The following TGFBR3 variants were observed in gnomAD, a reference collection of about 807,000 sequenced individuals.
The protein encoded by TGFBR3 is transforming growth factor beta receptor 3, also known as transforming growth factor beta receptor type 3.
In TGFBR3, 46 loss-of-function variants were observed where a neutral mutation model predicts 87.9. The observed-to-expected ratio is 0.52, with a 90% CI of 0.41 to 0.67. The LOEUF (loss-of-function observed/expected upper bound fraction) is 0.67, where lower values mean the gene tolerates loss of function less well. TGFBR3 is among the 30% of genes least tolerant of loss of function. The pLI is 0.00. For synonymous variants in TGFBR3, 381 were observed against 391.6 expected, an observed-to-expected ratio of 0.97 and a Z score of 0.32; for missense variants, 866 against 1,041.9, an observed-to-expected ratio of 0.83 and a Z score of 2.32.
At chr1:91,756,645 T>C (rs1673756778) in intron 4 of TGFBR3, among the ~76,000 whole-genome samples, 1 of 152,236 alleles carries the variant, frequency 6.6e-6, no homozygotes, top group African/African-American at 2.4e-5. Context: ...TTTTGGCCTT[T>C]TTAATATAGA....
At chr1:91,866,994 C>G (rs911954358) in intron 1 of TGFBR3, among the ~76,000 whole-genome samples, 8 of 152,240 alleles carry the variant, frequency 5.3e-5, no homozygotes, top group African/African-American at 1.9e-4. Flanking sequence ...GAGATTCTCA[C>G]AGCATGTCAG....
At chr1:91,687,396 G>A (rs372048419) in intron 16 of TGFBR3, among the ~76,000 whole-genome samples, 2 of 152,188 alleles carry the variant, frequency 1.3e-5, no homozygotes, top group African/African-American at 4.8e-5. Flanking sequence ...AATGGAGAAT[G>A]TTTTATTTCT....
chr1:91,839,776 G>C (rs1040892668), intron 2 of TGFBR3, among the ~76,000 whole-genome samples: 14 of 152,260 alleles, frequency 9.2e-5, no homozygotes, highest in African/African-American at 3.4e-4. Flanking sequence ...GTGAGATCCT[G>C]GGTTGGATTC....
chr1:91,689,174 G>A (rs184902150), intron 16 of TGFBR3, among the ~76,000 whole-genome samples: 39 of 152,150 alleles, frequency 2.6e-4, no homozygotes, highest in African/African-American at 9.2e-4. Context: ...CCTCCCCTCA[G>A]TTTCCATAAA....
intron 13 of TGFBR3, among the ~76,000 whole-genome samples, chr1:91,711,597 T>C (rs1671985603): frequency 6.6e-6 from 1 of 152,250 alleles, no homozygotes; most frequent in South Asian, 2.1e-4. Context: ...AACAAAACTA[T>C]GGCAGAAGAT....
chr1:91,681,028 G>C lies in TGFBR3; in HGVS notation c.*2711C>G. On this transcript the variant is annotated 3_prime_UTR_variant, in exon 17 of 17. Coordinates refer to ENST00000212355, the MANE Select transcript of TGFBR3 (RefSeq NM_003243.5). ...TTGGGGCATTTTAACAACAGCTTCA[G>C]CATCAAACAAACAACAAAATGGCCT... 2.2e-6 allele frequency: 1 copy of C among 454,024 alleles called. No homozygotes were observed. The highest frequency in any genetic ancestry group is 4.4e-6 in the Non-Finnish European group (1 of 226,774). The allele number at this position is 454,024 out of a possible 1,614,324, so 28.1% of individuals were successfully genotyped here.
chr1:91,681,885 C>CT lies in TGFBR3; in HGVS notation c.*1853dup. Reference sequence around the variant, plus strand: ...GGTAGCGTAATCTAGGTCCTCCACTCTGATACCCTTCTGTTAAAAAAAAAT... The same window carrying CT: ...GGTAGCGTAATCTAGGTCCTCCACTCTTGATACCCTTCTGTTAAAAAAAAAT... On this transcript the variant is annotated 3_prime_UTR_variant, in exon 17 of 17. Coordinates refer to ENST00000212355, the MANE Select transcript of TGFBR3 (RefSeq NM_003243.5). 1 of 451,650 alleles carries CT rather than the reference C, an allele frequency of 2.2e-6. No homozygotes were observed. The highest frequency in any genetic ancestry group is 2.4e-5 in the Admixed American group (1 of 42,202). 28.0% of individuals were successfully genotyped at this position (451,650 alleles called of 1,614,324 possible).
intron 4 of TGFBR3, 80 bp from the exon 5 acceptor site, chr1:91,735,039 C>T (rs550522832): frequency 6.0e-5 from 91 of 1,527,414 alleles, no homozygotes; most frequent in South Asian, 2.5e-4. Context: ...CTTCTCAAAT[C>T]GAAGTGCTTG....
intron 1 of TGFBR3, among the ~76,000 whole-genome samples, chr1:91,884,077 T>C (rs1031660627): frequency 6.6e-6 from 1 of 152,070 alleles, no homozygotes; most frequent in Non-Finnish European, 1.5e-5. Flanking sequence ...ATCCCAGCAC[T>C]TTGGGAGGCC....
intron 3 of TGFBR3, among the ~76,000 whole-genome samples, chr1:91,769,118 T>C (rs1433056838): frequency 6.6e-6 from 1 of 152,210 alleles, no homozygotes. Flanking sequence ...AATTGTAACA[T>C]GGGGATAATA....
At chr1:91,846,612 G>C (rs936562613) in intron 2 of TGFBR3, among the ~76,000 whole-genome samples, 2 of 151,942 alleles carry the variant, frequency 1.3e-5, no homozygotes, top group Non-Finnish European at 2.9e-5. Flanking sequence ...TCTGAGTGAA[G>C]ATTTGATACT....
At chr1:91,826,449 C>T (rs1241090483) in intron 2 of TGFBR3, among the ~76,000 whole-genome samples, 2 of 152,116 alleles carry the variant, frequency 1.3e-5, no homozygotes, top group African/African-American at 4.8e-5. Flanking sequence ...ACTGTAACTC[C>T]ATTACTCTAC....
At chr1:91,807,592 A>C (rs1297500649) in intron 2 of TGFBR3, among the ~76,000 whole-genome samples, 1 of 152,226 alleles carries the variant, frequency 6.6e-6, no homozygotes, top group Non-Finnish European at 1.5e-5. Flanking sequence ...AAATTCTCAA[A>C]GTGTTGGGAA....
At chr1:91,748,700 TC>T (rs1304653466) in intron 4 of TGFBR3, among the ~76,000 whole-genome samples, 1 of 150,512 alleles carries the variant, frequency 6.6e-6, no homozygotes, top group Non-Finnish European at 1.5e-5. Context: ...CCCAATGAGG[TC>T]CCCATTTACC....
At chr1:91,759,778 C>T (rs1673893842) in intron 3 of TGFBR3, among the ~76,000 whole-genome samples, 2 of 152,210 alleles carry the variant, frequency 1.3e-5, no homozygotes, top group Non-Finnish European at 2.9e-5. Context: ...TAGAAAGACA[C>T]AGACTGAATG....
At chr1:91,868,843 G>T (rs887854332) in intron 1 of TGFBR3, among the ~76,000 whole-genome samples, 19 of 152,142 alleles carry the variant, frequency 1.2e-4, no homozygotes, top group Non-Finnish European at 1.2e-4. Context: ...AGTGCACCAG[G>T]TGTGGTGGTT....
intron 3 of TGFBR3, among the ~76,000 whole-genome samples, chr1:91,779,770 C>A (rs983326378): frequency 1.3e-5 from 2 of 151,852 alleles, no homozygotes; most frequent in Admixed American, 6.6e-5. Flanking sequence ...ATTTCCCATA[C>A]TGCTGTAACA....
At chr1:91,709,207 T>C (rs2100752469) in intron 13 of TGFBR3, among the ~76,000 whole-genome samples, 1 of 152,300 alleles carries the variant, frequency 6.6e-6, no homozygotes, top group Admixed American at 6.5e-5. Flanking sequence ...TGAGGTTACA[T>C]CTTGACAAAC....
intron 4 of TGFBR3, among the ~76,000 whole-genome samples, chr1:91,753,423 TGCA>T (rs1673627034): frequency 1.4e-5 from 2 of 142,292 alleles, no homozygotes; most frequent in South Asian, 4.4e-4. Flanking sequence ...AAAAAAGTGC[TGCA>T]GCAAGTTTTT....
Sources: gnomAD v4.1 joint callset for allele counts (sites outside exome capture counted in the v4.1 genomes callset) on GRCh38, gnomAD v4.1.1 for gene constraint, MANE v1.5 for transcripts, NCBI Gene and HGNC (gene_info 2026-07-23, HGNC 2026-07-21) for gene names.